The following CASZ1 variants were observed in gnomAD, a reference collection of about 807,000 sequenced individuals.
CASZ1 encodes the protein castor zinc finger 1, also known as zinc finger protein castor homolog 1.
A neutral mutation model predicts 135.2 loss-of-function variants in CASZ1; 28 were observed. The observed-to-expected ratio is 0.21, with a 90% CI of 0.15 to 0.28. CASZ1 has a LOEUF of 0.28. Among genes scored for constraint, CASZ1 ranks in the 10% least tolerant of loss-of-function variants. The pLI is 1.00. For synonymous variants in CASZ1, 1,068 were observed against 1,073.4 expected (o/e 0.99, Z 0.10); for missense variants, 2,161 against 2,453.3 (o/e 0.88, Z 2.52).
chr1:10,746,735 G>A (rs935964532), intron 2 of CASZ1, among the ~76,000 whole-genome samples: 2 of 152,260 alleles, frequency 1.3e-5, no homozygotes, highest in African/African-American at 4.8e-5. Context: ...AGGGCAGAGG[G>A]ACAGAGCGGA....
In CASZ1 at chr1:10,653,547, G is replaced by T; in HGVS notation, c.2510C>A (p.Pro837His). 6.3e-7 allele frequency: 1 copy of T among 1,592,506 alleles called. No individual in the cohort carries two copies. The highest frequency in any genetic ancestry group is 8.6e-7 in the Non-Finnish European group (1 of 1,167,800). Residue 837 changes from proline to histidine, a missense_variant, in exon 11 of 21, where the codon CCC becomes CAC. This residue lies in a region of CASZ1 where 406 missense variants were observed against 387.6 expected (regional missense o/e 1.05). Transcript: ENST00000377022. ...GSAASATPDT[P>H]TLVASGAGDS... is the part of the protein sequence containing the mutation. ...TCCAGCTCCCGAGGCGACCAGCGTG[G>T]GTGTGTCAGGGGTGGCTGAGGCTGC...
intron 1 of CASZ1, among the ~76,000 whole-genome samples, chr1:10,775,103 C>T (rs1210995351): frequency 6.6e-6 from 1 of 152,076 alleles, no homozygotes; most frequent in Non-Finnish European, 1.5e-5. Context: ...AAACCCTGGG[C>T]AATACACACG....
chr1:10,737,197 G>T (rs1639816387), intron 2 of CASZ1, among the ~76,000 whole-genome samples: 1 of 152,222 alleles, frequency 6.6e-6, no homozygotes, highest in Admixed American at 6.5e-5. Flanking sequence ...CATCCATTAG[G>T]CCCCTCGTTC....
In CASZ1 at chr1:10,699,563, C is replaced by G. The variant is rs543437535; in HGVS notation, c.-23-5651G>C. Reference sequence around the variant, plus strand: ...GCTGGCAGCCCAGCACCCAGGGAGCCGGGAGCAGGTTTAATTTGCCAGGCA... The same window carrying G: ...GCTGGCAGCCCAGCACCCAGGGAGCGGGGAGCAGGTTTAATTTGCCAGGCA... On this transcript the variant is annotated intron_variant, in intron 3 of 20. Transcript: ENST00000377022. The surrounding 1 kb of genome is among the most constrained non-coding windows in gnomAD (Gnocchi z 4.6). Among the ~76,000 whole-genome samples, 4 of 152,168 alleles carry G rather than the reference C, an allele frequency of 2.6e-5. No individual in the cohort carries two copies. Among genetic ancestry groups the G allele is most frequent in the Non-Finnish European group, 5.9e-5 (4 of 68,042 alleles).
chr1:10,683,585 G>A (rs1213354161), intron 4 of CASZ1, among the ~76,000 whole-genome samples: 3 of 152,082 alleles, frequency 2.0e-5, no homozygotes, highest in South Asian at 2.1e-4. Context: ...AACATGCATC[G>A]TGAACCTGTC....
chr1:10,643,337 G>A (rs760839890), intron 18 of CASZ1, 26 bp from the exon 19 acceptor site: 27 of 1,610,742 alleles, frequency 1.7e-5, no homozygotes, highest in East Asian at 1.6e-4. Flanking sequence ...CACCTGGCAT[G>A]AGCCCCCAGC....
chr1:10,725,103 G>A lies in CASZ1; in HGVS notation c.-76-19559C>T, dbSNP rs1005988241. On this transcript the variant is annotated intron_variant, in intron 2 of 20. Transcript: ENST00000377022. This position sits in a 1 kb window ranked among gnomAD's most constrained non-coding sequence, Gnocchi z 4.4. ...GGCTGTTCTTCCCTGGAGGGAGGGG[G>A]CTTGGGCTCCCCTCGGTGGGGGTAG... Among the ~76,000 whole-genome samples, 1 of 152,236 alleles carries A rather than the reference G, an allele frequency of 6.6e-6. No homozygotes were observed. The highest frequency in any genetic ancestry group is 2.4e-5 in the African/African-American group (1 of 41,466).
chr1:10,743,022 C>A (rs990871901), intron 2 of CASZ1, among the ~76,000 whole-genome samples: 1 of 152,130 alleles, frequency 6.6e-6, no homozygotes, highest in African/African-American at 2.4e-5. Context: ...AGCAAGAAGC[C>A]TGGGCCAGTT....
At chr1:10,789,264 CCA>C (rs1640911918) in intron 1 of CASZ1, among the ~76,000 whole-genome samples, 5 of 151,418 alleles carry the variant, frequency 3.3e-5, no homozygotes, top group Admixed American at 3.3e-4. Context: ...ACAACCCATC[CCA>C]CCTGGGACAT....
chr1:10,694,820 G>T lies in CASZ1; in HGVS notation c.-23-908C>A, dbSNP rs550202855. Among the ~76,000 whole-genome samples the T allele has an allele frequency of 1.4e-5, 2 of 144,980 alleles. No homozygotes were observed. The highest frequency in any genetic ancestry group is 2.1e-4 in the South Asian group (1 of 4,768). ...CTTGCGCTCAGGGCTGGCGGGAGGG[G>T]ACCCGGCGCGGGGCGGGGAACGCGG... On this transcript the variant is annotated intron_variant, in intron 3 of 20. Coordinates refer to ENST00000377022, the MANE Select transcript of CASZ1 (RefSeq NM_001079843.3). The surrounding 1 kb of genome is among the most constrained non-coding windows in gnomAD (Gnocchi z 6.6).
chr1:10,785,772 C>T (rs1640848555), intron 1 of CASZ1, among the ~76,000 whole-genome samples: 1 of 152,264 alleles, frequency 6.6e-6, no homozygotes, highest in South Asian at 2.1e-4. Context: ...AAATGAGGCT[C>T]AGCCCACAAC....
In CASZ1 at chr1:10,649,302, A is replaced by C; in HGVS notation, c.3016T>G (p.Trp1006Gly). The C allele has an allele frequency of 6.3e-7, 1 of 1,597,766 alleles. No individual in the cohort carries two copies. Among genetic ancestry groups the C allele is most frequent in the Non-Finnish European group, 8.5e-7 (1 of 1,172,226 alleles). ...ALVQEKLAEP[W>G]KVYLRRFGTK... ...CCTCACCTGCGCAGGTACACCTTCC[A>C]GGGCTCTGCCAACTTCTCCTGAACC... Residue 1006 changes from tryptophan (W) to glycine (G), a missense_variant, in exon 14 of 21, where the codon TGG becomes GGG. Transcript: ENST00000377022.
At chr1:10,718,098 T>C (rs1045956158) in intron 2 of CASZ1, among the ~76,000 whole-genome samples, 1 of 152,200 alleles carries the variant, frequency 6.6e-6, no homozygotes, top group Admixed American at 6.5e-5. Flanking sequence ...GCTGGCCCAA[T>C]GCCACAGGGC....
At chr1:10,712,823 A>C (rs946604767) in intron 2 of CASZ1, among the ~76,000 whole-genome samples, 1 of 152,222 alleles carries the variant, frequency 6.6e-6, no homozygotes, top group Non-Finnish European at 1.5e-5. Flanking sequence ...GGCCCAGCCA[A>C]TCCATCTCTC....
Position 10,755,336 on chromosome 1 carries a change from G to A in CASZ1, c.-77+5365C>T, listed in dbSNP as rs573455293. Among the ~76,000 whole-genome samples the A allele has an allele frequency of 6.6e-6, 1 of 152,308 alleles. No homozygotes were observed. The highest frequency in any genetic ancestry group is 1.5e-5 in the Non-Finnish European group (1 of 68,020). ...TTGAAGGTCTACACGAGGAGATGAT[G>A]CAGTCAGGACTCCGGGACTCCTCCA... is the stretch of plus-strand genomic sequence containing the variant. On this transcript the variant is annotated intron_variant, in intron 2 of 20. Transcript: ENST00000377022. This position sits in a 1 kb window ranked among gnomAD's most constrained non-coding sequence, Gnocchi z 4.3.
rs905608292 is a variant in CASZ1, at chr1:10,700,509, A to G, written c.-24+4983T>C. Among the ~76,000 whole-genome samples the G allele has an allele frequency of 6.6e-6, 1 of 152,154 alleles. No individual in the cohort carries two copies. The highest frequency in any genetic ancestry group is 1.5e-5 in the Non-Finnish European group (1 of 68,018). On this transcript the variant is annotated intron_variant, in intron 3 of 20. Transcript: ENST00000377022. This position sits in a 1 kb window ranked among gnomAD's most constrained non-coding sequence, Gnocchi z 4.2. Reference sequence around the variant, plus strand: ...GTCTAGGTGTTTGGATGGTGTATGTACACGCCTGAGCCTGAACTGTCAGAC... The same window carrying G: ...GTCTAGGTGTTTGGATGGTGTATGTGCACGCCTGAGCCTGAACTGTCAGAC...
intron 2 of CASZ1, among the ~76,000 whole-genome samples, chr1:10,738,577 G>A (rs1048637642): frequency 3.9e-5 from 6 of 152,272 alleles, no homozygotes; most frequent in Non-Finnish European, 8.8e-5. Flanking sequence ...GGCGACCTGG[G>A]CCAGGGCTTT....
intron 2 of CASZ1, among the ~76,000 whole-genome samples, chr1:10,730,655 A>G (rs146650590): frequency 3.2e-4 from 48 of 152,366 alleles, no homozygotes; most frequent in African/African-American, 1.2e-3. Flanking sequence ...GGGGAAAAAA[A>G]CCTGACAATA....
rs764720017 is a variant in CASZ1, at chr1:10,660,481, G to A, written c.561C>T (p.Gly187=). 2 of 1,614,058 alleles carry A rather than the reference G, an allele frequency of 1.2e-6. No individual in the cohort carries two copies. The highest frequency in any genetic ancestry group is 8.5e-7 in the Non-Finnish European group (1 of 1,180,010). The part of the protein sequence containing the change: ...YAASTMTEFL[G]MFGYDDQNTR... ...TGTTCTGGTCATCATAGCCAAACATGCCGAGGAACTCGGTCATGGTGGAGG... is the reference window on the plus strand; with the variant it reads ...TGTTCTGGTCATCATAGCCAAACATACCGAGGAACTCGGTCATGGTGGAGG... The change falls in exon 6 of 21, where the codon GGC becomes GGT. Residue 187 remains glycine, a synonymous_variant. Transcript: ENST00000377022.
Sources: gnomAD v4.1 joint callset for allele counts (sites outside exome capture counted in the v4.1 genomes callset) on GRCh38, gnomAD v4.1.1 for gene constraint, gnomAD v4.1.1 regional missense constraint, Gnocchi (gnomAD v3.1) non-coding constraint, MANE v1.5 for transcripts, NCBI Gene and HGNC (gene_info 2026-07-23, HGNC 2026-07-21) for gene names.